Variants in CFI observed in about 807,000 individuals in gnomAD.
The protein encoded by CFI is C3B/C4B inactivator.
In CFI, 66 loss-of-function variants were observed where a neutral mutation model predicts 78.8. The observed-to-expected ratio is 0.84, with a 90% confidence interval of 0.69 to 1.03. CFI has a LOEUF of 1.03. Among genes scored for constraint, CFI ranks in the 50% least tolerant of loss-of-function variants. The pLI is 0.00. For missense variants in CFI, 706 were observed against 704.5 expected, an observed-to-expected ratio of 1.00 and a Z score of -0.02; for synonymous variants, 250 against 232.6, an observed-to-expected ratio of 1.07 and a Z score of -0.68.
At chr4:109,776,499 A>G (rs4334754) in intron 1 of CFI, among the ~76,000 whole-genome samples, 61,462 of 152,086 alleles carry the variant, frequency 0.4, 13,338 homozygotes, top group Admixed American at 0.53. Flanking sequence ...CATCTGATTG[A>G]TGTACCTGAA....
rs1468612791 is a variant in CFI, at chr4:109,740,952, A to G, written c.1693T>C (p.Tyr565His). The change falls in exon 13 of 13, where the codon TAT (tyrosine) becomes CAT (histidine). Residue 565 changes from tyrosine to histidine, a missense_variant. Physicochemically the swap from Tyr to His is moderately conservative, Grantham distance 83. Coordinates refer to ENST00000394634, the MANE Select transcript of CFI (RefSeq NM_000204.5). ...FPGVYTKVANYFDWISYHVGR... is the reference protein window; with the variant it reads ...FPGVYTKVANHFDWISYHVGR... ...ACATGGTAGCTAATCCAGTCAAAAT[A>G]ATTGGCCACTTTGGTGTAAACACCT... is the stretch of plus-strand genomic sequence containing the variant. The G allele has an allele frequency of 6.2e-7, 1 of 1,614,062 alleles. No individual in the cohort carries two copies. Among genetic ancestry groups the G allele is most frequent in the East Asian group, 2.2e-5 (1 of 44,894 alleles).
At position 109,767,295 on chromosome 4, in the gene CFI, C is replaced by T. The variant is rs1447740802; in HGVS notation, c.58-471G>A. ...AATTGACAAATGGGATCTAATTAAA[C>T]TAAAGAGCTTCTGCACAGCAAAAGA... On this transcript the variant is annotated intron_variant, in intron 1 of 12. Transcript: ENST00000394634. 4.6e-5 allele frequency among the ~76,000 whole-genome samples: 7 copies of T among 152,236 alleles called. No homozygotes were observed. In the East Asian group the frequency reaches 5.8e-4, roughly 13 times the overall value.
At chr4:109,799,741 C>T (rs953354792) in intron 1 of CFI, among the ~76,000 whole-genome samples, 1 of 152,124 alleles carries the variant, frequency 6.6e-6, no homozygotes, top group Admixed American at 6.5e-5. Context: ...AATGAGAATA[C>T]AGTGAATTTC....
At chr4:109,779,545 A>C (rs1437644682) in intron 1 of CFI, among the ~76,000 whole-genome samples, 1 of 152,214 alleles carries the variant, frequency 6.6e-6, no homozygotes, top group Non-Finnish European at 1.5e-5. Context: ...TATTGTGAAA[A>C]TGGCCATACT....
chr4:109,737,982 T>A (rs899446236), downstream of CFI, among the ~76,000 whole-genome samples: 6 of 152,134 alleles, frequency 3.9e-5, no homozygotes, highest in Admixed American at 2.6e-4. Flanking sequence ...CCTGGTCTAC[T>A]TTTCTGTGAA....
At chr4:109,753,800 T>A (rs867781953) in intron 7 of CFI, among the ~76,000 whole-genome samples, 2 of 106,664 alleles carry the variant, frequency 1.9e-5, no homozygotes, top group Admixed American at 2.7e-4. Context: ...ATATTATATA[T>A]TATCTAATGT....
intron 7 of CFI, among the ~76,000 whole-genome samples, chr4:109,755,013 G>T (rs887774546): frequency 6.6e-6 from 1 of 152,152 alleles, no homozygotes; most frequent in Admixed American, 6.6e-5. Flanking sequence ...ATGGAAGAAG[G>T]TATCTGTAAT....
intron 10 of CFI, among the ~76,000 whole-genome samples, chr4:109,747,967 T>G (rs1724685380): frequency 6.6e-6 from 1 of 152,142 alleles, no homozygotes; most frequent in African/African-American, 2.4e-5. Flanking sequence ...GCTCAGGTGG[T>G]AATGCTCGCC....
chr4:109,749,916 G>T (rs1432982695), intron 8 of CFI, among the ~76,000 whole-genome samples: 1 of 152,180 alleles, frequency 6.6e-6, no homozygotes, highest in East Asian at 1.9e-4. Context: ...AGGCACTGTG[G>T]CAGTGGCAGC....
chr4:109,758,300 C>A (rs79891491), intron 6 of CFI, among the ~76,000 whole-genome samples: 1 of 151,710 alleles, frequency 6.6e-6, no homozygotes, highest in Non-Finnish European at 1.5e-5. Flanking sequence ...ACTAATGGAA[C>A]CCCACCACCT....
At chr4:109,783,088 T>C (rs1730270133) in intron 1 of CFI, among the ~76,000 whole-genome samples, 2 of 152,084 alleles carry the variant, frequency 1.3e-5, no homozygotes, top group Admixed American at 6.6e-5. Flanking sequence ...GAAGATAACA[T>C]TGGAAAAACC....
In CFI at chr4:109,756,945, GAAAGAAAGAAAGAAAGAAAGAAAGA is replaced by G. The variant is rs1726338643; in HGVS notation, c.904+793_904+817del. ...AGAAAGAAAGAAAGAAAGAAAGAAAGAAAGAAAGAAAGAAAGAAAGAAAGAAAGAAAGAAATTCTGAGGAGGATCA... is the reference window on the plus strand; with the variant it reads ...AGAAAGAAAGAAAGAAAGAAAGAAAGAAGAAAGAAATTCTGAGGAGGATCA... On this transcript the variant is annotated intron_variant, in intron 7 of 12. Coordinates refer to ENST00000394634, the MANE Select transcript of CFI (RefSeq NM_000204.5). Among the ~76,000 whole-genome samples the G allele has an allele frequency of 5.5e-5, 8 of 145,204 alleles. No homozygotes were observed. In the South Asian group the frequency reaches 8.9e-4, roughly 16 times the overall value.
At position 109,760,327 on chromosome 4, in the gene CFI, A is replaced by G; in HGVS notation, c.826T>C (p.Tyr276His). The change falls in exon 6 of 13, where the codon TAT (tyrosine) becomes CAT (histidine). Residue 276 changes from tyrosine to histidine, a missense_variant. Tyr to His is a moderately conservative substitution (Grantham distance 83). Coordinates refer to ENST00000394634, the MANE Select transcript of CFI (RefSeq NM_000204.5). ...CKSGVCIPSQ[Y>H]QCNGEVDCIT... ...CAGTCCACCTCACCATTGCATTGAT[A>G]CTGGCTTGGAATGCAAACACCCGAT... 1 of 1,614,192 alleles carries G rather than the reference A, an allele frequency of 6.2e-7. No individual in the cohort carries two copies. The highest frequency in any genetic ancestry group is 1.1e-5 in the South Asian group (1 of 91,084).
Position 109,756,888 on chromosome 4 carries a change from G to GGAAAGAAAGAAAGAAAGAAA in CFI, c.904+855_904+874dup. Among the ~76,000 whole-genome samples the GGAAAGAAAGAAAGAAAGAAA allele has an allele frequency of 1.3e-3, 74 of 57,862 alleles. 5 individuals are homozygous for GGAAAGAAAGAAAGAAAGAAA. Among genetic ancestry groups the GGAAAGAAAGAAAGAAAGAAA allele is most frequent in the Admixed American group, 5.1e-3 (22 of 4,316 alleles). 38.0% of individuals were successfully genotyped at this position (57,862 alleles called of 152,430 possible). A position where few individuals can be genotyped will look rare whatever the true frequency, so the allele number is the denominator to read the frequency against. Reference sequence around the variant, plus strand: ...CTCCGTCTCGAAAGAAAGAAAGAAAGGAAAGAAAGAAAGAAAGAAAGAAAG... The same window carrying GGAAAGAAAGAAAGAAAGAAA: ...CTCCGTCTCGAAAGAAAGAAAGAAAGGAAAGAAAGAAAGAAAGAAAGAAAGAAAGAAAGAAAGAAAGAAAG... On this transcript the variant is annotated intron_variant, in intron 7 of 12. Transcript: ENST00000394634.
At position 109,760,326 on chromosome 4, in the gene CFI, T is replaced by C. The variant is rs779312611; in HGVS notation, c.827A>G (p.Tyr276Cys). ...CKSGVCIPSQ[Y>C]QCNGEVDCIT... is the part of the protein sequence containing the mutation. ...GCAGTCCACCTCACCATTGCATTGA[T>C]ACTGGCTTGGAATGCAAACACCCGA... Residue 276 changes from tyrosine to cysteine, a missense_variant, in exon 6 of 13, where the codon TAT becomes TGT. Tyr to Cys is a radical substitution (Grantham distance 194). Transcript: ENST00000394634. 8 of 1,614,098 alleles carry C rather than the reference T, an allele frequency of 5.0e-6. 1 individual carries two copies. In the Admixed American group the frequency reaches 1.3e-4, roughly 27 times the overall value.
chr4:109,754,619 G>A (rs534576211), intron 7 of CFI, among the ~76,000 whole-genome samples: 16 of 152,138 alleles, frequency 1.1e-4, no homozygotes, highest in African/African-American at 3.4e-4. Context: ...GAATGGCAGC[G>A]TCACTTTGCT....
intron 1 of CFI, among the ~76,000 whole-genome samples, chr4:109,775,367 G>A (rs370029597): frequency 9.1e-4 from 139 of 152,300 alleles, no homozygotes; most frequent in East Asian, 4.8e-3. Flanking sequence ...TGCCTGGCTC[G>A]GAGGGTCCCA....
At chr4:109,798,498 T>A (rs1249476899) in intron 1 of CFI, among the ~76,000 whole-genome samples, 1 of 102,456 alleles carries the variant, frequency 9.8e-6, no homozygotes, top group East Asian at 3.0e-4. Context: ...CAATCATAAC[T>A]CAATAAAGTG....
chr4:109,762,745 A>T lies in CFI; in HGVS notation c.483-1053T>A, dbSNP rs561113270. On this transcript the variant is annotated intron_variant, in intron 3 of 12. Transcript: ENST00000394634. ...CAAGAGCCATTTGAGGCAATCTTATAGGTTAATAATCTGAAAAACGTACCA... is the reference window on the plus strand; with the variant it reads ...CAAGAGCCATTTGAGGCAATCTTATTGGTTAATAATCTGAAAAACGTACCA... Among the ~76,000 whole-genome samples, 6 of 152,364 alleles carry T rather than the reference A, an allele frequency of 3.9e-5. No individual in the cohort carries two copies. In the South Asian group the frequency reaches 1.2e-3, roughly 32 times the overall value.
Sources: allele counts gnomAD v4.1 joint callset (sites outside exome capture counted in the v4.1 genomes callset), GRCh38; gene constraint gnomAD v4.1.1; transcripts MANE v1.5; gene names NCBI Gene and HGNC (gene_info 2026-07-23, HGNC 2026-07-21).